ACTN4: variants seen among roughly 807,000 people sequenced by gnomAD.
ACTN4 encodes the protein alpha-actinin-4.
A neutral mutation model predicts 114.2 loss-of-function variants in ACTN4; 18 were observed. The ratio of observed to expected loss-of-function variants is 0.16; its 90% CI spans 0.11 to 0.23. The LOEUF (loss-of-function observed/expected upper bound fraction) is 0.23. ACTN4 is among the 10% of genes least tolerant of loss of function. The probability of loss-of-function intolerance (pLI) is 1.00; values close to 1 mark genes in which losing one functional copy is unlikely to be tolerated. For missense variants in ACTN4, 722 were observed against 1,262.9 expected (o/e 0.57, Z 6.49); for synonymous variants, 515 against 506.3 (o/e 1.02, Z -0.23).
chr19:38,700,808 G>C, intron 2 of ACTN4, 94 bp downstream of exon 2: 1 of 1,402,218 alleles, frequency 7.1e-7, no homozygotes, highest in Non-Finnish European at 9.9e-7. Context: ...CTGTCCCATT[G>C]CTCCTGGGGA....
intron 17 of ACTN4, 120 bp from the exon 18 acceptor site, chr19:38,726,837 G>A: frequency 2.8e-6 from 4 of 1,436,816 alleles, no homozygotes; most frequent in Non-Finnish European, 3.8e-6. Context: ...CCTGTGAGGT[G>A]TACAGGAGAG....
intron 1 of ACTN4, among the ~76,000 whole-genome samples, chr19:38,682,603 C>T (rs745967425): frequency 1.4e-4 from 21 of 152,232 alleles, no homozygotes; most frequent in South Asian, 2.1e-4. Flanking sequence ...CAAGCCACCA[C>T]CTTGCAGTCC....
chr19:38,650,521 C>T (rs143897947), intron 1 of ACTN4, among the ~76,000 whole-genome samples: 110 of 152,310 alleles, frequency 7.2e-4, no homozygotes, highest in African/African-American at 2.5e-3. Context: ...CAGCCAGAGC[C>T]AGATTCTAGT....
intron 1 of ACTN4, among the ~76,000 whole-genome samples, chr19:38,677,011 G>A (rs1484394907): frequency 6.6e-6 from 1 of 152,194 alleles, no homozygotes; most frequent in Non-Finnish European, 1.5e-5. Flanking sequence ...CCGGGCGCAT[G>A]CCAGCTGCCT....
intron 1 of ACTN4, among the ~76,000 whole-genome samples, chr19:38,685,165 C>G (rs952071887): frequency 1.3e-5 from 2 of 152,124 alleles, no homozygotes; most frequent in Non-Finnish European, 2.9e-5. Context: ...GGGATGGTCT[C>G]GAACTCCTGA....
At chr19:38,676,360 C>T (rs1599784815) in intron 1 of ACTN4, among the ~76,000 whole-genome samples, 2 of 152,346 alleles carry the variant, frequency 1.3e-5, no homozygotes, top group East Asian at 3.9e-4. Flanking sequence ...CCCCGATTAT[C>T]TCAGACACAG....
At chr19:38,726,046 T>C in intron 17 of ACTN4, 143 bp downstream of exon 17, 1 of 1,178,030 alleles carries the variant, frequency 8.5e-7, no homozygotes, top group Non-Finnish European at 1.2e-6. Context: ...ACCAGCACTT[T>C]GGGAGGCCAA....
chr19:38,660,557 G>A (rs1285178480), intron 1 of ACTN4, among the ~76,000 whole-genome samples: 1 of 152,040 alleles, frequency 6.6e-6, no homozygotes, highest in Non-Finnish European at 1.5e-5. Context: ...CACCATGCCT[G>A]GCTAATTTTT....
chr19:38,693,078 T>C (rs76881886), intron 1 of ACTN4, among the ~76,000 whole-genome samples: 2,976 of 152,266 alleles, frequency 0.02, 133 homozygotes, highest in South Asian at 0.15. Context: ...CTGGGTGATA[T>C]CCTGCTAGGC....
rs537711689 is a variant in ACTN4, at chr19:38,714,063, T to G, written c.820-406T>G. ...GGCTCCTCCGGGACCCGGGCGCCCC[T>G]GCTCTGTTGCCCCCAGCTCTCCAGC... On this transcript the variant is annotated intron_variant, in intron 8 of 20. Coordinates refer to ENST00000252699, the MANE Select transcript of ACTN4 (RefSeq NM_004924.6). Among the ~76,000 whole-genome samples the G allele has an allele frequency of 3.3e-4, 50 of 152,314 alleles. 1 individual carries two copies. The highest frequency in any genetic ancestry group is 3.3e-3 in the Admixed American group (50 of 15,298).
rs141976136 is a variant in ACTN4 at position 38,710,898 on chromosome 19, C to T, written c.819+556C>T. 1.7e-4 allele frequency: 32 copies of T among 189,874 alleles called. No individual in the cohort carries two copies. In the East Asian group the frequency reaches 4.2e-3, roughly 25 times the overall value. The allele number at this position is 189,874 out of a possible 1,614,324, so 11.8% of individuals were successfully genotyped here. A position where few individuals can be genotyped will look rare whatever the true frequency, so the allele number is the denominator to read the frequency against. The stretch of plus-strand genomic sequence containing the variant: ...CAGTGATGGGTCAGGCCCAACAAGA[C>T]CCTTGTGGTGTGGGATAAGAAATTC... On this transcript the variant is annotated intron_variant, in intron 8 of 20. Transcript: ENST00000252699.
intron 2 of ACTN4, 79 bp from the exon 3 acceptor site, chr19:38,700,922 TA>T: frequency 1.3e-6 from 2 of 1,577,320 alleles, no homozygotes. Context: ...GAGGAGACTC[TA>T]AAGCCTCTCT....
rs376356390 is a variant in ACTN4 at position 38,665,062 on chromosome 19, C to T, written c.162+17155C>T. 2.0e-4 allele frequency among the ~76,000 whole-genome samples: 31 copies of T among 152,292 alleles called. No individual in the cohort carries two copies. In the East Asian group the frequency reaches 2.9e-3, roughly 14 times the overall value. On this transcript the variant is annotated intron_variant, in intron 1 of 20. Coordinates refer to ENST00000252699, the MANE Select transcript of ACTN4 (RefSeq NM_004924.6). The stretch of plus-strand genomic sequence containing the variant: ...CAGATGTCACTGGGATTCGCAGTAC[C>T]ACAGGCTGTCCCTGGGCCCAAGCAG...
chr19:38,662,436 G>A (rs1048511268), intron 1 of ACTN4, among the ~76,000 whole-genome samples: 4 of 152,178 alleles, frequency 2.6e-5, no homozygotes, highest in Non-Finnish European at 5.9e-5. Flanking sequence ...AATGATTATG[G>A]TGGCCTGTGA....
rs375295412 is a variant in ACTN4 at position 38,714,029 on chromosome 19, G to A, written c.820-440G>A. Among the ~76,000 whole-genome samples the A allele has an allele frequency of 9.2e-5, 14 of 152,268 alleles. No homozygotes were observed. The South Asian group carries it at 1.0e-3, about 11-fold the overall frequency. On this transcript the variant is annotated intron_variant, in intron 8 of 20. Coordinates refer to ENST00000252699, the MANE Select transcript of ACTN4 (RefSeq NM_004924.6). ...CAGGCCTGAGTGTGCTCCTGTGCAC[G>A]GACCACTAGGCTCCTCCGGGACCCG...
At chr19:38,669,410 C>G (rs760945673) in intron 1 of ACTN4, among the ~76,000 whole-genome samples, 1 of 152,138 alleles carries the variant, frequency 6.6e-6, no homozygotes, top group Non-Finnish European at 1.5e-5. Context: ...TGGAGGTGTC[C>G]CCTGTCAATG....
In ACTN4 at chr19:38,726,014, CTG is replaced by C. The variant is rs369801069; in HGVS notation, c.2190+113_2190+114del. 575 of 1,442,922 alleles carry C rather than the reference CTG, an allele frequency of 4.0e-4. 3 individuals carry two copies. The African/African-American group carries it at 7.3e-3, about 18-fold the overall frequency. The allele number at this position is 1,442,922 out of a possible 1,614,324, so 89.4% of individuals were successfully genotyped here. On this transcript the variant is annotated intron_variant, in intron 17 of 20. Coordinates refer to ENST00000252699, the MANE Select transcript of ACTN4 (RefSeq NM_004924.6). The stretch of plus-strand genomic sequence containing the variant: ...TGTCTGCTGTCTGTTGTTTTTCACT[CTG>C]TTTAAAAATTATTGAAGAGACCAGC...
intron 1 of ACTN4, among the ~76,000 whole-genome samples, chr19:38,683,348 C>T (rs530402530): frequency 2.6e-5 from 4 of 152,326 alleles, no homozygotes; most frequent in East Asian, 3.9e-4. Context: ...TCTCGCCCCC[C>T]GCCCTCCTCC....
intron 1 of ACTN4, among the ~76,000 whole-genome samples, chr19:38,688,611 C>T (rs146448885): frequency 4.0e-5 from 6 of 151,762 alleles, no homozygotes; most frequent in African/African-American, 1.2e-4. Context: ...GGTGTAGTAG[C>T]ATATTCCTGG....
Sources: gnomAD v4.1 joint callset for allele counts (sites outside exome capture counted in the v4.1 genomes callset) on GRCh38, gnomAD v4.1.1 for gene constraint, MANE v1.5 for transcripts, NCBI Gene and HGNC (gene_info 2026-07-23, HGNC 2026-07-21) for gene names.